EN2: variants seen among roughly 807,000 people sequenced by gnomAD.
EN2 encodes the protein homeobox protein engrailed-2.
A neutral mutation model predicts 25.0 loss-of-function variants in EN2; 7 were observed. That is an observed-to-expected ratio of 0.28 (90% CI 0.16 to 0.53). The LOEUF is 0.53. Ranked by LOEUF, EN2 falls within the 20% of genes least tolerant of loss-of-function variation. EN2 has a pLI of 0.96. For synonymous variants in EN2, 277 were observed against 243.3 expected (o/e 1.14, Z -1.29); for missense variants, 524 against 501.8 (o/e 1.04, Z -0.42).
In EN2 at chr7:155,458,265, G is replaced by C; in HGVS notation, c.-113G>C. The C allele has an allele frequency of 8.1e-7, 1 of 1,234,004 alleles. No individual in the cohort carries two copies. 76.4% of individuals were successfully genotyped at this position (1,234,004 alleles called of 1,614,324 possible). A position where few individuals can be genotyped will look rare whatever the true frequency, so the allele number is the denominator to read the frequency against. On this transcript the variant is annotated 5_prime_UTR_variant, in exon 1 of 2. Transcript: ENST00000297375. The stretch of plus-strand genomic sequence containing the variant: ...GGCCGCGGCCGCCGCGCACGCCCTC[G>C]GAAGACTCGGCGGGGTGGGGGCGCG...
rs765518301 is a variant in EN2 at position 155,458,403 on chromosome 7, G to T, written c.26G>T (p.Gly9Val). ...ATGGAGGAGAATGACCCCAAGCCTG[G>T]CGAAGCAGCGGCGGCGGTGGAGGGA... is the stretch of plus-strand genomic sequence containing the variant. MEENDPKP[G>V]EAAAAVEGQR... The change falls in exon 1 of 2, where the codon GGC (glycine) becomes GTC (valine). Residue 9 changes from glycine to valine, a missense_variant. Physicochemically the swap from Gly to Val is moderately radical, Grantham distance 109 (BLOSUM62 -3). Coordinates refer to ENST00000297375, the MANE Select transcript of EN2 (RefSeq NM_001427.4). 1 of 1,312,978 alleles carries T rather than the reference G, an allele frequency of 7.6e-7. No individual in the cohort carries two copies. The highest frequency in any genetic ancestry group is 9.7e-7 in the Non-Finnish European group (1 of 1,030,388). 81.3% of individuals were successfully genotyped at this position (1,312,978 alleles called of 1,614,324 possible).
chr7:155,458,701 T>C lies in EN2; in HGVS notation c.324T>C (p.Gly108=). 1 of 1,342,962 alleles carries C rather than the reference T, an allele frequency of 7.4e-7. No individual in the cohort carries two copies. The allele number at this position is 1,342,962 out of a possible 1,614,324, so 83.2% of individuals were successfully genotyped here. ...CCGGCGGCGAAGGCGGCGCGAGCGGTGCGGAGGGAGGCGGCGGCGCGGGCG... is the reference window on the plus strand; with the variant it reads ...CCGGCGGCGAAGGCGGCGCGAGCGGCGCGGAGGGAGGCGGCGGCGCGGGCG... ...GGAGGEGGAS[G]AEGGGGAGGS... Residue 108 remains glycine (G), a synonymous_variant, in exon 1 of 2, where the codon GGT becomes GGC. Coordinates refer to ENST00000297375, the MANE Select transcript of EN2 (RefSeq NM_001427.4).
At position 155,459,065 on chromosome 7, in the gene EN2, G is replaced by C. The variant is rs1318972468; in HGVS notation, c.685+3G>C. The stretch of plus-strand genomic sequence containing the variant: ...CTACTCGGACCGGCCTTCTTCAGGT[G>C]AGCCCGCGGGGACCACGCGTCCCGG... On this transcript the variant is annotated splice_donor_region_variant and intron_variant, in intron 1 of 1. Coordinates refer to ENST00000297375, the MANE Select transcript of EN2 (RefSeq NM_001427.4). The C allele has an allele frequency of 6.4e-7, 1 of 1,572,056 alleles. No individual in the cohort carries two copies. The highest frequency in any genetic ancestry group is 1.7e-5 in the Admixed American group (1 of 57,732).
chr7:155,458,214 C>T lies in EN2; in HGVS notation c.-164C>T. ...AAAGGTGGCTCCGCGCCGAGCGCGG[C>T]CGGCGACTTGTAGGACCTCAGCCCT... On this transcript the variant is annotated 5_prime_UTR_variant, in exon 1 of 2. Coordinates refer to ENST00000297375, the MANE Select transcript of EN2 (RefSeq NM_001427.4). The T allele has an allele frequency of 1.0e-6, 1 of 965,682 alleles. No homozygotes were observed. The highest frequency in any genetic ancestry group is 3.7e-4 in the Middle Eastern group (1 of 2,670). The allele number at this position is 965,682 out of a possible 1,614,324, so 59.8% of individuals were successfully genotyped here.
In EN2 at chr7:155,458,803, G is replaced by A; in HGVS notation, c.426G>A (p.Pro142=). The A allele has an allele frequency of 7.1e-7, 1 of 1,399,098 alleles. No homozygotes were observed. Among genetic ancestry groups the A allele is most frequent in the East Asian group, 3.0e-5 (1 of 33,160 alleles). The allele number at this position is 1,399,098 out of a possible 1,614,324, so 86.7% of individuals were successfully genotyped here. ...CATGTGCGCCCGGCGCGGGCGGGCC[G>A]CTCCCAGCCGCCGGCAGCGACTCTC... is the stretch of plus-strand genomic sequence containing the variant. ...NPPCAPGAGG[P]LPAAGSDSPG... is the part of the protein sequence containing the mutation. Residue 142 remains proline, a synonymous_variant, in exon 1 of 2, where the codon CCG becomes CCA. Transcript: ENST00000297375.
chr7:155,460,472 A>G (rs771795415), intron 1 of EN2, among the ~76,000 whole-genome samples: 1 of 151,954 alleles, frequency 6.6e-6, no homozygotes, highest in South Asian at 2.1e-4. Flanking sequence ...TGTTTCTGAG[A>G]CTCCTAAGTA....
At chr7:155,462,068 G>A (rs574116331) in intron 1 of EN2, among the ~76,000 whole-genome samples, 2 of 152,314 alleles carry the variant, frequency 1.3e-5, no homozygotes, top group East Asian at 3.9e-4. Flanking sequence ...GAAAGTGTGG[G>A]GAGTTTTGCT....
Position 155,462,727 on chromosome 7 carries a change from C to T in EN2, c.*40C>T. 6.6e-7 allele frequency: 1 copy of T among 1,518,790 alleles called. No homozygotes were observed. 94.1% of individuals were successfully genotyped at this position (1,518,790 alleles called of 1,614,324 possible). A position where few individuals can be genotyped will look rare whatever the true frequency, so the allele number is the denominator to read the frequency against. ...AGGCCAGGTCTCAGTCCGCGCTAAA[C>T]AATGCAATAATTTAAAATCATAAAG... On this transcript the variant is annotated 3_prime_UTR_variant, in exon 2 of 2. Coordinates refer to ENST00000297375, the MANE Select transcript of EN2 (RefSeq NM_001427.4).
chr7:155,458,641 C>G lies in EN2; in HGVS notation c.264C>G (p.Cys88Trp). ...EFGRRKDAGT[C>W]CAGAGGGRGG... The stretch of plus-strand genomic sequence containing the variant: ...GCCGGCGAAAGGACGCGGGGACCTG[C>G]TGTGCGGGCGCGGGAGGAGGAAGGG... The change falls in exon 1 of 2, where the codon TGC (cysteine) becomes TGG (tryptophan). Residue 88 changes from cysteine to tryptophan, a missense_variant. Transcript: ENST00000297375. 7.0e-7 allele frequency: 1 copy of G among 1,426,316 alleles called. No individual in the cohort carries two copies. The allele number at this position is 1,426,316 out of a possible 1,614,324, so 88.4% of individuals were successfully genotyped here. A position where few individuals can be genotyped will look rare whatever the true frequency, so the allele number is the denominator to read the frequency against.
chr7:155,461,173 G>T (rs1795690621), intron 1 of EN2, among the ~76,000 whole-genome samples: 1 of 152,192 alleles, frequency 6.6e-6, no homozygotes, highest in African/African-American at 2.4e-5. Flanking sequence ...GCCCTGAAGG[G>T]TGGGGGGCCC....
rs1439911653 is a variant in EN2, at chr7:155,458,938, C to A, written c.561C>A (p.Gly187=). Residue 187 remains glycine, a synonymous_variant, in exon 1 of 2, where the codon GGC becomes GGA. Coordinates refer to ENST00000297375, the MANE Select transcript of EN2 (RefSeq NM_001427.4). ...GGTCGCTCAAGGCCCGCGGCTTGGG[C>A]GGCGGCGACCTGTCGGTGAGCTCGG... The part of the protein sequence containing the change: ...LDGSLKARGL[G]GGDLSVSSDS... The A allele has an allele frequency of 6.6e-7, 1 of 1,519,156 alleles. No homozygotes were observed. The highest frequency in any genetic ancestry group is 1.2e-5 in the South Asian group (1 of 82,786). 94.1% of individuals were successfully genotyped at this position (1,519,156 alleles called of 1,614,324 possible). A position where few individuals can be genotyped will look rare whatever the true frequency, so the allele number is the denominator to read the frequency against.
intron 1 of EN2, among the ~76,000 whole-genome samples, chr7:155,459,402 TC>T (rs1434932328): frequency 1.3e-5 from 2 of 152,032 alleles, no homozygotes; most frequent in African/African-American, 4.8e-5. Context: ...AGCCCATGTC[TC>T]CCCCACTGTA....
Position 155,463,264 on chromosome 7 carries a change from G to C in EN2, c.*577G>C, listed in dbSNP as rs368291486. On this transcript the variant is annotated 3_prime_UTR_variant, in exon 2 of 2. Coordinates refer to ENST00000297375, the MANE Select transcript of EN2 (RefSeq NM_001427.4). ...GGGGACTTCCAGGGTCCTTGGGCCA[G>C]TTCTGGGATTTGGCCCTGGGAAGCA... The C allele has an allele frequency of 1.3e-5, 2 of 152,648 alleles. No individual in the cohort carries two copies. Among genetic ancestry groups the C allele is most frequent in the African/African-American group, 4.9e-5 (2 of 41,208 alleles). The allele number at this position is 152,648 out of a possible 1,614,324, so 9.5% of individuals were successfully genotyped here.
rs754255288 is a variant in EN2, at chr7:155,458,355, G to A, written c.-23G>A. The A allele has an allele frequency of 7.8e-7, 1 of 1,289,140 alleles. No homozygotes were observed. The highest frequency in any genetic ancestry group is 9.9e-7 in the Non-Finnish European group (1 of 1,011,580). 79.9% of individuals were successfully genotyped at this position (1,289,140 alleles called of 1,614,324 possible). On this transcript the variant is annotated 5_prime_UTR_variant, in exon 1 of 2. It adds an upstream start codon to the 5' untranslated region. Transcript: ENST00000297375. The stretch of plus-strand genomic sequence containing the variant: ...TTGGAAGGGCGTCCCCGGAGAACCA[G>A]TGTGGGATTTACTGTGAACAGCATG...
At chr7:155,460,226 A>C (rs956513467) in intron 1 of EN2, among the ~76,000 whole-genome samples, 1 of 152,208 alleles carries the variant, frequency 6.6e-6, no homozygotes, top group African/African-American at 2.4e-5. Flanking sequence ...ACAGGCTCAC[A>C]ATGCCGGGCG....
chr7:155,462,245 G>A (rs1397899132), intron 1 of EN2, 126 bp from the exon 2 acceptor site: 34 of 1,063,686 alleles, frequency 3.2e-5, no homozygotes, highest in South Asian at 1.1e-4. Context: ...CACATCTGGC[G>A]GTTCAGCCTC....
chr7:155,458,860 C>G lies in EN2; in HGVS notation c.483C>G (p.Leu161=), dbSNP rs1346925918. Reference sequence around the variant, plus strand: ...ACGGGGAAGGCGGCTCCAAGACGCTCTCGCTGCACGGTGGCGCCAAGAAAG... The same window carrying G: ...ACGGGGAAGGCGGCTCCAAGACGCTGTCGCTGCACGGTGGCGCCAAGAAAG... ...PGDGEGGSKT[L]SLHGGAKKGG... The change falls in exon 1 of 2, where the codon CTC becomes CTG. Residue 161 remains leucine, a synonymous_variant. Coordinates refer to ENST00000297375, the MANE Select transcript of EN2 (RefSeq NM_001427.4). 4.0e-6 allele frequency: 6 copies of G among 1,489,720 alleles called. No individual in the cohort carries two copies. The highest frequency in any genetic ancestry group is 2.2e-5 in the Admixed American group (1 of 44,560). The allele number at this position is 1,489,720 out of a possible 1,614,324, so 92.3% of individuals were successfully genotyped here.
chr7:155,458,503 C>G lies in EN2; in HGVS notation c.126C>G (p.Thr42=). The part of the protein sequence containing the change: ...GGGSSPGEAD[T]GRRRALMLPA... The stretch of plus-strand genomic sequence containing the variant: ...GTAGCAGCCCGGGCGAAGCGGACAC[C>G]GGGCGCCGGCGGGCTCTGATGCTGC... Residue 42 remains threonine (T), a synonymous_variant, in exon 1 of 2, where the codon ACC becomes ACG. Transcript: ENST00000297375. The G allele has an allele frequency of 7.6e-7, 1 of 1,321,888 alleles. No individual in the cohort carries two copies. Among genetic ancestry groups the G allele is most frequent in the Non-Finnish European group, 9.7e-7 (1 of 1,034,388 alleles). The allele number at this position is 1,321,888 out of a possible 1,614,324, so 81.9% of individuals were successfully genotyped here.
chr7:155,463,286 AG>A lies in EN2; in HGVS notation c.*600del, dbSNP rs144219267. The A allele has an allele frequency of 0.023, 3,441 of 152,574 alleles. 114 individuals are homozygous for A. The highest frequency in any genetic ancestry group is 0.077 in the African/African-American group (3,194 of 41,502). 9.5% of individuals were successfully genotyped at this position (152,574 alleles called of 1,614,324 possible). A position where few individuals can be genotyped will look rare whatever the true frequency, so the allele number is the denominator to read the frequency against. Reference sequence around the variant, plus strand: ...CCAGTTCTGGGATTTGGCCCTGGGAAGCAGCCCAGCGTACCCCAGGCCTGCT... The same window carrying A: ...CCAGTTCTGGGATTTGGCCCTGGGAACAGCCCAGCGTACCCCAGGCCTGCT... On this transcript the variant is annotated 3_prime_UTR_variant, in exon 2 of 2. Transcript: ENST00000297375.
Sources: gnomAD v4.1 joint callset for allele counts (sites outside exome capture counted in the v4.1 genomes callset) on GRCh38, gnomAD v4.1.1 for gene constraint, MANE v1.5 for transcripts, NCBI Gene and HGNC (gene_info 2026-07-23, HGNC 2026-07-21) for gene names.